The following RSPH3 variants were observed in gnomAD, a reference collection of about 807,000 sequenced individuals.
RSPH3 encodes the protein radial spoke head 3.
In RSPH3, 21 loss-of-function variants were observed where a neutral mutation model predicts 43.8. That is an observed-to-expected ratio of 0.48 (90% CI 0.34 to 0.69). The LOEUF (loss-of-function observed/expected upper bound fraction) is 0.69, where lower values mean the gene tolerates loss of function less well. Among genes scored for constraint, RSPH3 ranks in the 30% least tolerant of loss-of-function variants. The pLI is 0.01. For missense variants in RSPH3, 487 were observed against 516.0 expected, an observed-to-expected ratio of 0.94 and a Z score of 0.54; for synonymous variants, 173 against 179.8, an observed-to-expected ratio of 0.96 and a Z score of 0.30.
the RSPH3 span, among the ~76,000 whole-genome samples, chr6:158,964,605 C>T: frequency 1.3e-5 from 2 of 152,028 alleles, no homozygotes; most frequent in Non-Finnish European, 2.9e-5. Context: ...TGTTTATTGG[C>T]TATTTGTTTA....
chr6:158,981,025 C>A (rs772878213), intron 5 of RSPH3, 89 bp from the exon 6 acceptor site: 36 of 1,295,620 alleles, frequency 2.8e-5, no homozygotes, highest in Non-Finnish European at 3.4e-5. Context: ...AGAATCCAGA[C>A]TTATCAAAAA....
rs778625921 is a variant in RSPH3 at position 158,974,192 on chromosome 6, G to T, written c.*3346C>A. On this transcript the variant is annotated 3_prime_UTR_variant, in exon 8 of 8. Coordinates refer to ENST00000367069, the MANE Select transcript of RSPH3 (RefSeq NM_031924.8). ...TAACTCAGTGTTAGCTGAAACATCA[G>T]AAAGAAATAAAACTTATGAGAAGGG... 7 of 152,162 alleles carry T rather than the reference G, an allele frequency of 4.6e-5. No individual in the cohort carries two copies. The highest frequency in any genetic ancestry group is 8.8e-5 in the Non-Finnish European group (6 of 68,030). 9.4% of individuals were successfully genotyped at this position (152,162 alleles called of 1,614,324 possible).
At chr6:158,978,411 G>A in intron 6 of RSPH3, 65 bp from the exon 7 acceptor site, 2 of 771,070 alleles carry the variant, frequency 2.6e-6, no homozygotes, top group Non-Finnish European at 4.4e-6. Flanking sequence ...TTCTCTTAAT[G>A]TAATAGACTC....
intron 3 of RSPH3, among the ~76,000 whole-genome samples, chr6:158,985,807 T>C: frequency 6.8e-6 from 1 of 148,146 alleles, no homozygotes. Context: ...TTTCTCTCTC[T>C]CTCTCTCTCT....
At chr6:158,966,442 C>G in the RSPH3 span, among the ~76,000 whole-genome samples, 1 of 152,114 alleles carries the variant, frequency 6.6e-6, no homozygotes, top group Admixed American at 6.5e-5. Context: ...ATCGGTGAAG[C>G]TGTCTGAGTC....
In RSPH3 at chr6:158,999,670, G is replaced by T. The variant is rs140068249; in HGVS notation, c.-120C>A. 129 of 1,614,026 alleles carry T rather than the reference G, an allele frequency of 8.0e-5. No individual in the cohort carries two copies. Among genetic ancestry groups the T allele is most frequent in the Non-Finnish European group, 1.0e-4 (123 of 1,180,016 alleles). The stretch of plus-strand genomic sequence containing the variant: ...CAAGGGCAAGGATTCCGCGACGCGA[G>T]GAGAGGCGACAACAAGGGAGGCGGG... On this transcript the variant is annotated 5_prime_UTR_variant, in exon 1 of 8. Transcript: ENST00000367069.
chr6:158,985,977 C>T (rs1473921422), intron 3 of RSPH3, among the ~76,000 whole-genome samples: 1 of 151,924 alleles, frequency 6.6e-6, no homozygotes, highest in Non-Finnish European at 1.5e-5. Flanking sequence ...CCATGCCCAG[C>T]TAATTTTTGT....
At chr6:158,993,418 CT>C (rs1208093904) in intron 2 of RSPH3, among the ~76,000 whole-genome samples, 4 of 146,154 alleles carry the variant, frequency 2.7e-5, no homozygotes, top group African/African-American at 1.0e-4. Context: ...GCCCGGCCAA[CT>C]GGGGCTTGCT....
chr6:158,998,831 T>C (rs1297908787), intron 1 of RSPH3, among the ~76,000 whole-genome samples: 2 of 151,308 alleles, frequency 1.3e-5, no homozygotes, highest in Admixed American at 6.6e-5. Context: ...GATCGCGTCA[T>C]TGCAGTCCAG....
In RSPH3 at chr6:158,978,271, G is replaced by C; in HGVS notation, c.935C>G (p.Thr312Arg). 6.4e-7 allele frequency: 1 copy of C among 1,565,448 alleles called. No individual in the cohort carries two copies. Among genetic ancestry groups the C allele is most frequent in the Non-Finnish European group, 8.8e-7 (1 of 1,137,828 alleles). Residue 312 changes from threonine (T) to arginine (R), a missense_variant, in exon 7 of 8, where the codon ACA (threonine) becomes AGA (arginine). Thr to Arg is a moderately conservative substitution (Grantham distance 71). Transcript: ENST00000367069. Reference protein sequence around the residue: ...KTMEYSMVGRTVLDMLIREVV... With the variant: ...KTMEYSMVGRRVLDMLIREVV... ...ATAAAATAACTTACTGTCAAGCACT[G>C]TTCTTCCCACCATGCTATATTCCAT...
At chr6:158,969,018 A>T (rs1777663167), downstream of RSPH3, among the ~76,000 whole-genome samples, 1 of 152,214 alleles carries the variant, frequency 6.6e-6, no homozygotes, top group Admixed American at 6.5e-5. Context: ...TTGCTTTATG[A>T]TGTAACTGTC....
intron 3 of RSPH3, among the ~76,000 whole-genome samples, chr6:158,984,496 C>G (rs1423794371): frequency 8.3e-6 from 1 of 119,900 alleles, no homozygotes; most frequent in African/African-American, 3.3e-5. Flanking sequence ...AGATAGTAAA[C>G]ATATACAGAT....
chr6:158,977,636 A>C lies in RSPH3; in HGVS notation c.1159T>G (p.Ser387Ala), dbSNP rs893318777. 1 of 1,614,016 alleles carries C rather than the reference A, an allele frequency of 6.2e-7. No individual in the cohort carries two copies. The highest frequency in any genetic ancestry group is 1.3e-5 in the African/African-American group (1 of 74,984). The change falls in exon 8 of 8, where the codon TCA becomes GCA. Residue 387 changes from serine (S) to alanine (A), a missense_variant. By Grantham distance (99) the Ser-to-Ala change is moderately conservative (BLOSUM62 1). Coordinates refer to ENST00000367069, the MANE Select transcript of RSPH3 (RefSeq NM_031924.8). Reference sequence around the variant, plus strand: ...TCCATAAACTTCCTTTCCTGGGATGACCTTCTGTCATATGTTGTTCTTTGT... The same window carrying C: ...TCCATAAACTTCCTTTCCTGGGATGCCCTTCTGTCATATGTTGTTCTTTGT... Reference protein sequence around the residue: ...YLQRTTYDRRSSQERKFMEER... With the variant: ...YLQRTTYDRRASQERKFMEER...
At position 158,977,718 on chromosome 6, in the gene RSPH3, T is replaced by C; in HGVS notation, c.1077A>G (p.Glu359=). The C allele has an allele frequency of 6.2e-7, 1 of 1,614,176 alleles. No individual in the cohort carries two copies. Among genetic ancestry groups the C allele is most frequent in the Non-Finnish European group, 8.5e-7 (1 of 1,180,018 alleles). ...TCTGTGACATGCTCTGCTCCAGGAATTCAGAGGCCTCCAGTGACTCTGTCA... is the reference window on the plus strand; with the variant it reads ...TCTGTGACATGCTCTGCTCCAGGAACTCAGAGGCCTCCAGTGACTCTGTCA... ...GAMTESLEAS[E]FLEQSMSQTR... The change falls in exon 8 of 8, where the codon GAA becomes GAG. Residue 359 remains glutamate (E), a synonymous_variant. Transcript: ENST00000367069.
rs530087577 is a variant in RSPH3, at chr6:158,974,469, T to C, written c.*3069A>G. On this transcript the variant is annotated 3_prime_UTR_variant, in exon 8 of 8. Coordinates refer to ENST00000367069, the MANE Select transcript of RSPH3 (RefSeq NM_031924.8). Reference sequence around the variant, plus strand: ...ACAGTTATGAAAAGTCTTCTAGACATATGGAACCTAAGAATGCTATCTTGT... The same window carrying C: ...ACAGTTATGAAAAGTCTTCTAGACACATGGAACCTAAGAATGCTATCTTGT... The C allele has an allele frequency of 6.6e-6, 1 of 152,340 alleles. No homozygotes were observed. The highest frequency in any genetic ancestry group is 2.1e-4 in the South Asian group (1 of 4,824). The allele number at this position is 152,340 out of a possible 1,614,324, so 9.4% of individuals were successfully genotyped here.
At chr6:158,972,172 A>C (rs1312433949), downstream of RSPH3, among the ~76,000 whole-genome samples, 1 of 152,206 alleles carries the variant, frequency 6.6e-6, no homozygotes, top group Non-Finnish European at 1.5e-5. Context: ...GAAATTTCTA[A>C]TAATGAGAAC....
Position 158,978,266 on chromosome 6 carries a change from G to T in RSPH3, c.940C>A (p.Leu314Ile). 1.3e-6 allele frequency: 2 copies of T among 1,541,366 alleles called. No homozygotes were observed. The highest frequency in any genetic ancestry group is 1.8e-6 in the Non-Finnish European group (2 of 1,116,614). Residue 314 changes from leucine (L) to isoleucine (I), a missense_variant, in exon 7 of 8, where the codon CTT (leucine) becomes ATT (isoleucine). Leu to Ile is a conservative substitution (Grantham distance 5). Transcript: ENST00000367069. ...TTTGGATAAAATAACTTACTGTCAA[G>T]CACTGTTCTTCCCACCATGCTATAT... ...MEYSMVGRTV[L>I]DMLIREVVEK...
intron 1 of RSPH3, among the ~76,000 whole-genome samples, chr6:158,998,377 G>T (rs1289732733): frequency 6.7e-6 from 1 of 148,476 alleles, no homozygotes. Flanking sequence ...GCTGAGGCAG[G>T]AGAATGGCGT....
Position 158,985,388 on chromosome 6 carries a change from T to C in RSPH3, c.346+892A>G, listed in dbSNP as rs933761363. 1.2e-4 allele frequency among the ~76,000 whole-genome samples: 19 copies of C among 152,330 alleles called. 1 individual carries two copies. In the Middle Eastern group the frequency reaches 0.017, roughly 136 times the overall value. On this transcript the variant is annotated intron_variant, in intron 3 of 7. Coordinates refer to ENST00000367069, the MANE Select transcript of RSPH3 (RefSeq NM_031924.8). The stretch of plus-strand genomic sequence containing the variant: ...AAGAACAGTGATTCATGTTGGGCTA[T>C]GAGAAAGGATCCCAGTTTGAGAACA...
Sources: allele counts gnomAD v4.1 joint callset (sites outside exome capture counted in the v4.1 genomes callset), GRCh38; gene constraint gnomAD v4.1.1; transcripts MANE v1.5; gene names NCBI Gene and HGNC (gene_info 2026-07-23, HGNC 2026-07-21).